Variants in F13A1 observed in about 807,000 individuals in gnomAD.
The protein encoded by F13A1 is FSF, A subunit.
F13A1 carries 47 observed loss-of-function variants against 80.1 expected under a neutral mutation model. The ratio of observed to expected loss-of-function variants is 0.59; its 90% CI spans 0.46 to 0.75. The LOEUF (loss-of-function observed/expected upper bound fraction) is 0.75, where lower values mean the gene tolerates loss of function less well. Among genes scored for constraint, F13A1 ranks in the 30% least tolerant of loss-of-function variants. The pLI, the probability that F13A1 is intolerant of heterozygous loss-of-function variation, is 0.00. For missense variants in F13A1, 817 were observed against 930.4 expected (o/e 0.88, Z 1.59); for synonymous variants, 349 against 344.9 (o/e 1.01, Z -0.13).
intron 7 of F13A1, among the ~76,000 whole-genome samples, chr6:6,222,948 C>T (rs536677757): frequency 6.6e-6 from 1 of 152,328 alleles, no homozygotes; most frequent in East Asian, 1.9e-4. Context: ...ATGCCCCAAA[C>T]AACAGTGGCA....
chr6:6,196,830 T>C (rs962539925), intron 9 of F13A1, among the ~76,000 whole-genome samples: 2 of 152,158 alleles, frequency 1.3e-5, no homozygotes, highest in African/African-American at 4.8e-5. Flanking sequence ...TAAAGGATGA[T>C]CTATAATTAT....
intron 2 of F13A1, among the ~76,000 whole-genome samples, chr6:6,315,687 G>T (rs1758669787): frequency 6.6e-6 from 1 of 151,894 alleles, no homozygotes; most frequent in South Asian, 2.1e-4. Context: ...TCCTCTTCTT[G>T]CCTCTCTGCA....
intron 12 of F13A1, among the ~76,000 whole-genome samples, chr6:6,172,069 A>C (rs406238): frequency 0.66 from 99,904 of 152,152 alleles, 33,807 homozygotes; most frequent in African/African-American, 0.82. Context: ...GAAATTCAGT[A>C]AGAATAGGCA....
Position 6,248,376 on chromosome 6 carries a change from C to G in F13A1, c.734G>C (p.Arg245Thr). The G allele has an allele frequency of 6.2e-7, 1 of 1,613,878 alleles. No homozygotes were observed. The highest frequency in any genetic ancestry group is 1.1e-5 in the South Asian group (1 of 91,076). Residue 245 changes from arginine (R) to threonine (T), a missense_variant, in exon 6 of 15, where the codon AGA becomes ACA. By Grantham distance (71) the Arg-to-Thr change is moderately conservative. Transcript: ENST00000264870. ...TCTTCCAGAGAGGTCCATTTGTGCT[C>G]TGTCCATCACATACAGGCAAGTGTC... The part of the protein sequence containing the change: ...ILDTCLYVMD[R>T]AQMDLSGRGN...
chr6:6,174,613 C>T lies in F13A1; in HGVS notation c.1714G>A (p.Glu572Lys), dbSNP rs1561643494. ...TGVPKAEFKK[E>K]TFDVTLEPLS... Reference sequence around the variant, plus strand: ...GGCTCCAGCGTCACGTCGAACGTCTCCTTCTTGAATTCTGCCTTCGGGACC... The same window carrying T: ...GGCTCCAGCGTCACGTCGAACGTCTTCTTCTTGAATTCTGCCTTCGGGACC... The change falls in exon 12 of 15, where the codon GAG (glutamate) becomes AAG (lysine). Residue 572 changes from glutamate to lysine, a missense_variant. By Grantham distance (56) the Glu-to-Lys change is moderately conservative. Coordinates refer to ENST00000264870, the MANE Select transcript of F13A1 (RefSeq NM_000129.4). 1.2e-6 allele frequency: 2 copies of T among 1,614,146 alleles called. No homozygotes were observed. Among genetic ancestry groups the T allele is most frequent in the South Asian group, 2.2e-5 (2 of 91,070 alleles).
chr6:6,209,612 T>A (rs979039204), intron 8 of F13A1, among the ~76,000 whole-genome samples: 3 of 152,234 alleles, frequency 2.0e-5, no homozygotes, highest in African/African-American at 7.2e-5. Context: ...GTACAACTGA[T>A]GAATGGATAA....
intron 13 of F13A1, among the ~76,000 whole-genome samples, chr6:6,157,451 A>G (rs2151069985): frequency 6.6e-6 from 1 of 151,058 alleles, no homozygotes; most frequent in South Asian, 2.1e-4. Context: ...TTTTGCTGGA[A>G]TAGCTTCTTT....
Position 6,188,214 on chromosome 6 carries a change from T to C in F13A1, c.1306-6073A>G, listed in dbSNP as rs530551890. On this transcript the variant is annotated intron_variant, in intron 10 of 14. Transcript: ENST00000264870. The stretch of plus-strand genomic sequence containing the variant: ...AATTTTTTGAAGGGTTTTTTGTGTC[T>C]GTATTCCTTCAGTTCTGCTCTGATT... Among the ~76,000 whole-genome samples, 41 of 152,340 alleles carry C rather than the reference T, an allele frequency of 2.7e-4. No homozygotes were observed. In the East Asian group the frequency reaches 5.0e-3, roughly 19 times the overall value.
intron 8 of F13A1, among the ~76,000 whole-genome samples, chr6:6,217,717 G>A (rs973076262): frequency 6.6e-6 from 1 of 151,982 alleles, no homozygotes; most frequent in African/African-American, 2.4e-5. Flanking sequence ...ATAATGTATA[G>A]AAGAACAATC....
rs910816248 is a variant in F13A1 at position 6,255,985 on chromosome 6, G to A, written c.572-5056C>T. Among the ~76,000 whole-genome samples, 47 of 152,112 alleles carry A rather than the reference G, an allele frequency of 3.1e-4. 2 individuals are homozygous for A. Among genetic ancestry groups the A allele is most frequent in the Admixed American group, 2.0e-4 (3 of 15,272 alleles). ...CCAAAAAAACTCCCTATGTTTGGAA[G>A]GCTAACAAAAATAGAAAAATGTAAT... On this transcript the variant is annotated intron_variant, in intron 4 of 14. Transcript: ENST00000264870.
chr6:6,232,003 G>A (rs142436042), intron 6 of F13A1, among the ~76,000 whole-genome samples: 3,982 of 152,046 alleles, frequency 0.026, 183 homozygotes, highest in African/African-American at 0.091. Context: ...CAGGACCTAT[G>A]AAACAAAAAT....
At chr6:6,291,166 A>C (rs1319294968) in intron 3 of F13A1, among the ~76,000 whole-genome samples, 1 of 152,136 alleles carries the variant, frequency 6.6e-6, no homozygotes, top group African/African-American at 2.4e-5. Flanking sequence ...ATACTTCTCC[A>C]CCTACGGCAG....
chr6:6,210,088 A>G (rs1349669029), intron 8 of F13A1, among the ~76,000 whole-genome samples: 2 of 151,092 alleles, frequency 1.3e-5, no homozygotes, highest in Non-Finnish European at 3.0e-5. Flanking sequence ...AAAATTAGCC[A>G]GGTGTGGTGG....
At chr6:6,272,487 G>A (rs573956670) in intron 3 of F13A1, among the ~76,000 whole-genome samples, 56 of 152,208 alleles carry the variant, frequency 3.7e-4, no homozygotes, top group Non-Finnish European at 4.9e-4. Flanking sequence ...GATAACTCAG[G>A]ACACTCCCAC....
At chr6:6,212,471 G>C (rs1225882335) in intron 8 of F13A1, among the ~76,000 whole-genome samples, 8 of 152,180 alleles carry the variant, frequency 5.3e-5, no homozygotes, top group Non-Finnish European at 7.3e-5. Flanking sequence ...TGAGGGTCCT[G>C]TCTGTTAGAA....
At position 6,235,811 on chromosome 6, in the gene F13A1, G is replaced by A. The variant is rs904258538; in HGVS notation, c.799-10951C>T. Reference sequence around the variant, plus strand: ...TTACCTAAGAGAAATAAAAGCTTACGTCTATACAAAGACTTTTACTAAAGT... The same window carrying A: ...TTACCTAAGAGAAATAAAAGCTTACATCTATACAAAGACTTTTACTAAAGT... On this transcript the variant is annotated intron_variant, in intron 6 of 14. Coordinates refer to ENST00000264870, the MANE Select transcript of F13A1 (RefSeq NM_000129.4). Among the ~76,000 whole-genome samples, 7 of 152,066 alleles carry A rather than the reference G, an allele frequency of 4.6e-5. No homozygotes were observed. The East Asian group carries it at 1.2e-3, about 25-fold the overall frequency.
chr6:6,170,434 G>A (rs1760752241), intron 12 of F13A1, among the ~76,000 whole-genome samples: 3 of 152,194 alleles, frequency 2.0e-5, no homozygotes, highest in South Asian at 4.1e-4. Flanking sequence ...TTATGTAAGT[G>A]CTGTGTTTTG....
At chr6:6,285,326 C>A (rs1758122158) in intron 3 of F13A1, among the ~76,000 whole-genome samples, 2 of 152,240 alleles carry the variant, frequency 1.3e-5, no homozygotes, top group Admixed American at 1.3e-4. Flanking sequence ...CTGGACACAG[C>A]AGAGGTTTCT....
intron 4 of F13A1, among the ~76,000 whole-genome samples, chr6:6,252,821 T>A (rs2113105329): frequency 6.6e-6 from 1 of 152,286 alleles, no homozygotes; most frequent in Admixed American, 6.5e-5. Flanking sequence ...GTTTTGGAAC[T>A]TTGCATGCTC....
Sources: gnomAD v4.1 joint callset for allele counts (sites outside exome capture counted in the v4.1 genomes callset) on GRCh38, gnomAD v4.1.1 for gene constraint, MANE v1.5 for transcripts, NCBI Gene and HGNC (gene_info 2026-07-23, HGNC 2026-07-21) for gene names.